Variants in NELL1 observed in about 807,000 individuals in gnomAD.
NELL1 encodes neural EGFL like 1, also known as protein kinase C-binding protein NELL1.
A neutral mutation model predicts 107.4 loss-of-function variants in NELL1; 76 were observed. The ratio of observed to expected loss-of-function variants is 0.71; its 90% CI spans 0.59 to 0.86. The LOEUF (loss-of-function observed/expected upper bound fraction) is 0.86. Ranked by LOEUF, NELL1 falls within the 40% of genes least tolerant of loss-of-function variation. The probability of loss-of-function intolerance (pLI) is 0.00; values close to 1 mark genes in which losing one functional copy is unlikely to be tolerated. For missense variants in NELL1, 1,024 were observed against 1,005.5 expected (o/e 1.02, Z -0.25); for synonymous variants, 353 against 341.2 (o/e 1.03, Z -0.38).
intron 15 of NELL1, among the ~76,000 whole-genome samples, chr11:21,477,527 A>G (rs1323914422): frequency 1.3e-5 from 2 of 152,122 alleles, no homozygotes; most frequent in Non-Finnish European, 2.9e-5. Context: ...GTTACCAAAA[A>G]CTTAGACCAC....
chr11:20,915,717 A>ATATATATATATATATATATATATTTTTT, intron 5 of NELL1, among the ~76,000 whole-genome samples: 6 of 58,212 alleles, frequency 1.0e-4, no homozygotes, highest in African/African-American at 3.5e-4. Context: ...ATATATATAT[A>ATATATATATATATATATATATATTTTTT]TTTTTTTTTT....
intron 12 of NELL1, among the ~76,000 whole-genome samples, chr11:21,015,469 C>T (rs1182486738): frequency 1.3e-5 from 2 of 152,060 alleles, no homozygotes; most frequent in Admixed American, 6.6e-5. Flanking sequence ...TGGTGTTGGC[C>T]TGACAATGTA....
At chr11:20,920,052 A>G (rs1027539522) in intron 7 of NELL1, among the ~76,000 whole-genome samples, 5 of 152,128 alleles carry the variant, frequency 3.3e-5, no homozygotes, top group African/African-American at 9.7e-5. Flanking sequence ...GCTTTAATAT[A>G]TATTCATAAA....
intron 14 of NELL1, among the ~76,000 whole-genome samples, chr11:21,362,841 G>A (rs1336045966): frequency 6.6e-6 from 1 of 152,092 alleles, no homozygotes; most frequent in South Asian, 2.1e-4. Flanking sequence ...ACTCTCCTTG[G>A]GTGGGGCTTG....
intron 16 of NELL1, among the ~76,000 whole-genome samples, chr11:21,534,753 T>C (rs1856090551): frequency 6.6e-6 from 1 of 152,194 alleles, no homozygotes. Flanking sequence ...CTATATGTTA[T>C]GGCTTTGTTC....
intron 16 of NELL1, among the ~76,000 whole-genome samples, chr11:21,556,250 G>T (rs902879877): frequency 1.3e-5 from 2 of 151,854 alleles, no homozygotes; most frequent in African/African-American, 2.4e-5. Context: ...ATATTCAAAC[G>T]CTGGGTAAAC....
chr11:21,295,283 A>G lies in NELL1; in HGVS notation c.1549+65829A>G, dbSNP rs550332083. Among the ~76,000 whole-genome samples, 32 of 152,184 alleles carry G rather than the reference A, an allele frequency of 2.1e-4. 1 individual carries two copies. Among genetic ancestry groups the G allele is most frequent in the African/African-American group, 6.5e-4 (27 of 41,560 alleles). ...GGAGTATAACCATACTACTAAAGCTATCTCTCAAAATGTTGGATTAACTAG... is the reference window on the plus strand; with the variant it reads ...GGAGTATAACCATACTACTAAAGCTGTCTCTCAAAATGTTGGATTAACTAG... On this transcript the variant is annotated intron_variant, in intron 14 of 19. Transcript: ENST00000357134.
chr11:20,937,740 T>C, intron 9 of NELL1, 46 bp from the exon 10 acceptor site: 1 of 1,439,460 alleles, frequency 6.9e-7, no homozygotes, highest in Non-Finnish European at 9.8e-7. Flanking sequence ...GAGGTCATTT[T>C]GTGGCACAGC....
intron 2 of NELL1, among the ~76,000 whole-genome samples, chr11:20,701,526 G>T (rs1033514548): frequency 1.6e-4 from 25 of 151,984 alleles, no homozygotes; most frequent in African/African-American, 6.0e-4. Context: ...GATCCCATTT[G>T]TCAACTTTGG....
rs894850474 is a variant in NELL1, at chr11:21,339,091, G to T, written c.1550-31762G>T. 5.3e-5 allele frequency among the ~76,000 whole-genome samples: 8 copies of T among 152,066 alleles called. No individual in the cohort carries two copies. The South Asian group carries it at 1.5e-3, about 28-fold the overall frequency. ...TCCCCACTGTTCTGGGCTAAATTGT[G>T]TCCCCTCAAAAATATTGTCAAAGTT... On this transcript the variant is annotated intron_variant, in intron 14 of 19. Coordinates refer to ENST00000357134, the MANE Select transcript of NELL1 (RefSeq NM_006157.5).
At chr11:21,270,215 G>T (rs934111487) in intron 14 of NELL1, among the ~76,000 whole-genome samples, 1 of 151,970 alleles carries the variant, frequency 6.6e-6, no homozygotes, top group Non-Finnish European at 1.5e-5. Flanking sequence ...ACAATCAGTG[G>T]TCTAAATATA....
chr11:21,009,527 G>A (rs1029040546), intron 12 of NELL1, among the ~76,000 whole-genome samples: 1 of 151,994 alleles, frequency 6.6e-6, no homozygotes, highest in South Asian at 2.1e-4. Flanking sequence ...TGCATAATTG[G>A]TTACCCAGAG....
rs769623967 is a variant in NELL1, at chr11:21,113,707, T to C, written c.1419T>C (p.Ser473=). 3 of 1,611,382 alleles carry C rather than the reference T, an allele frequency of 1.9e-6. No individual in the cohort carries two copies. In the African/African-American group the frequency reaches 4.0e-5, roughly 22 times the overall value. The change falls in exon 13 of 20, where the codon TCT becomes TCC. Residue 473 remains serine (S), a synonymous_variant. Transcript: ENST00000357134. The part of the protein sequence containing the change: ...VPGYIRVDDF[S]CTEHDECGSG... ...GATACATTCGTGTGGATGACTTCTCTTGTACAGGTGAGCTTTAAGAAGCAG... is the reference window on the plus strand; with the variant it reads ...GATACATTCGTGTGGATGACTTCTCCTGTACAGGTGAGCTTTAAGAAGCAG...
intron 14 of NELL1, among the ~76,000 whole-genome samples, chr11:21,269,064 C>A (rs1314202169): frequency 1.3e-5 from 2 of 151,714 alleles, no homozygotes; most frequent in Non-Finnish European, 2.9e-5. Context: ...GAAAAAAAAT[C>A]TCTGAGCTTG....
chr11:21,286,925 T>C (rs1849134166), intron 14 of NELL1, among the ~76,000 whole-genome samples: 1 of 152,222 alleles, frequency 6.6e-6, no homozygotes, highest in South Asian at 2.1e-4. Flanking sequence ...CTACACTTTT[T>C]TATCTGTAAA....
intron 12 of NELL1, among the ~76,000 whole-genome samples, chr11:21,020,891 T>C (rs982943902): frequency 1.1e-4 from 16 of 151,944 alleles, no homozygotes; most frequent in African/African-American, 3.6e-4. Context: ...CAGCTGGACA[T>C]TGTATTGTAC....
At chr11:20,957,333 C>G (rs1363281763) in intron 11 of NELL1, among the ~76,000 whole-genome samples, 1 of 152,212 alleles carries the variant, frequency 6.6e-6, no homozygotes, top group Non-Finnish European at 1.5e-5. Flanking sequence ...ACCTGTGTGG[C>G]TCAACCTTCA....
chr11:20,725,491 G>T (rs138151040), intron 2 of NELL1, among the ~76,000 whole-genome samples: 10 of 152,296 alleles, frequency 6.6e-5, no homozygotes, highest in Admixed American at 3.3e-4. Context: ...CTGGATCACC[G>T]TGGGAATTGT....
intron 19 of NELL1, 65 bp from the exon 20 acceptor site, chr11:21,574,907 A>C (rs998884456): frequency 7.1e-7 from 1 of 1,403,954 alleles, no homozygotes. Flanking sequence ...TGAGTATAAA[A>C]ATTGCAGACT....
Sources: allele counts gnomAD v4.1 joint callset (sites outside exome capture counted in the v4.1 genomes callset), GRCh38; gene constraint gnomAD v4.1.1; transcripts MANE v1.5; gene names NCBI Gene and HGNC (gene_info 2026-07-23, HGNC 2026-07-21).